The following VWA8 variants were observed in gnomAD, a reference collection of about 807,000 sequenced individuals.
VWA8 encodes von Willebrand factor A domain-containing protein 8.
Under a neutral mutation model 241.5 loss-of-function variants are expected in VWA8, and 221 were observed. The observed-to-expected ratio is 0.91, with a 90% CI of 0.82 to 1.02. VWA8 has a LOEUF of 1.02. Ranked by LOEUF, VWA8 falls within the 50% of genes least tolerant of loss-of-function variation. The pLI, the probability that VWA8 is intolerant of heterozygous loss-of-function variation, is 0.00. For missense variants in VWA8, 2,322 were observed against 2,328.7 expected (o/e 1.00, Z 0.06); for synonymous variants, 852 against 827.1 (o/e 1.03, Z -0.52).
intron 40 of VWA8, among the ~76,000 whole-genome samples, chr13:41,592,224 C>A (rs2139648358): frequency 7.4e-6 from 1 of 134,746 alleles, no homozygotes; most frequent in Non-Finnish European, 1.6e-5. Flanking sequence ...GAACAAAAAA[C>A]CAAACACCGC....
In VWA8 at chr13:41,866,228, G is replaced by A. The variant is rs1460565426; in HGVS notation, c.1213-192C>T. Among the ~76,000 whole-genome samples the A allele has an allele frequency of 2.0e-5, 3 of 151,878 alleles. No individual in the cohort carries two copies. In the East Asian group the frequency reaches 5.8e-4, roughly 29 times the overall value. ...GCTGGGCATGGTGGTGCGCAACTGT[G>A]ATCCCAACTACTCAGGGGGCTGAGG... On this transcript the variant is annotated intron_variant, in intron 10 of 44. Coordinates refer to ENST00000379310, the MANE Select transcript of VWA8 (RefSeq NM_015058.2).
At chr13:41,913,593 G>A (rs753150377) in intron 2 of VWA8, among the ~76,000 whole-genome samples, 1 of 152,170 alleles carries the variant, frequency 6.6e-6, no homozygotes, top group African/African-American at 2.4e-5. Flanking sequence ...TGTTAGGATA[G>A]TCTCTCCTGT....
At chr13:41,930,704 A>G (rs1342041820) in intron 2 of VWA8, among the ~76,000 whole-genome samples, 1 of 152,228 alleles carries the variant, frequency 6.6e-6, no homozygotes, top group Non-Finnish European at 1.5e-5. Flanking sequence ...GGCTACGTGT[A>G]TAAGATATAC....
intron 38 of VWA8, 150 bp from the exon 39 acceptor site, chr13:41,611,882 A>C: frequency 1.5e-5 from 14 of 939,630 alleles, no homozygotes; most frequent in Non-Finnish European, 2.2e-5. Context: ...AAAAAGATGT[A>C]TTCTCTTGTT....
intron 40 of VWA8, among the ~76,000 whole-genome samples, chr13:41,591,152 G>A (rs1281944127): frequency 1.3e-5 from 2 of 152,172 alleles, no homozygotes; most frequent in African/African-American, 4.8e-5. Context: ...GAGAAAATGT[G>A]ACCTTTAGAA....
rs759936519 is a variant in VWA8 at position 41,568,316 on chromosome 13, G to A, written c.5610-11C>T. 5.0e-6 allele frequency: 8 copies of A among 1,611,854 alleles called. No homozygotes were observed. The highest frequency in any genetic ancestry group is 1.7e-5 in the Admixed American group (1 of 60,006). ...AAAGTTCTCTGAAGCCTGCCAGGATGGAAAGGGAAAGGAAGTTACCACTGT... is the reference window on the plus strand; with the variant it reads ...AAAGTTCTCTGAAGCCTGCCAGGATAGAAAGGGAAAGGAAGTTACCACTGT... On this transcript the variant is annotated splice_polypyrimidine_tract_variant and intron_variant, in intron 44 of 44. Coordinates refer to ENST00000379310, the MANE Select transcript of VWA8 (RefSeq NM_015058.2).
chr13:41,657,044 A>G (rs1417438984), intron 37 of VWA8, among the ~76,000 whole-genome samples: 2 of 152,194 alleles, frequency 1.3e-5, no homozygotes, highest in African/African-American at 4.8e-5. Context: ...CCCTTTGGCC[A>G]CAGTGATGGG....
At chr13:41,614,616 T>C (rs2044609600) in intron 38 of VWA8, among the ~76,000 whole-genome samples, 2 of 152,208 alleles carry the variant, frequency 1.3e-5, no homozygotes, top group Admixed American at 6.5e-5. Context: ...ATTAACACTT[T>C]AGTGAAAATA....
At chr13:41,766,669 T>C (rs1049141279) in intron 20 of VWA8, among the ~76,000 whole-genome samples, 2 of 152,228 alleles carry the variant, frequency 1.3e-5, no homozygotes, top group African/African-American at 2.4e-5. Context: ...TGATAAAATG[T>C]TCCAACTTCT....
At chr13:41,915,514 A>G (rs1876207920) in intron 2 of VWA8, among the ~76,000 whole-genome samples, 1 of 152,254 alleles carries the variant, frequency 6.6e-6, no homozygotes, top group African/African-American at 2.4e-5. Context: ...CATCCTGCCC[A>G]GTATGTCAAT....
At chr13:41,660,138 CA>C (rs2044939474) in intron 37 of VWA8, among the ~76,000 whole-genome samples, 1 of 151,600 alleles carries the variant, frequency 6.6e-6, no homozygotes, top group African/African-American at 2.4e-5. Flanking sequence ...TTTTCTGAGA[CA>C]GAGTCTCACT....
In VWA8 at chr13:41,676,647, T is replaced by C. The variant is rs2045062141; in HGVS notation, c.4328-1351A>G. ...CTGTTTTTGTTTGTTTGTTTGTTTT[T>C]TGGAGACAGAGTCTCACTCTTGTTG... is the stretch of plus-strand genomic sequence containing the variant. On this transcript the variant is annotated intron_variant, in intron 35 of 44. Coordinates refer to ENST00000379310, the MANE Select transcript of VWA8 (RefSeq NM_015058.2). Among the ~76,000 whole-genome samples, 3 of 152,150 alleles carry C rather than the reference T, an allele frequency of 2.0e-5. No homozygotes were observed. The South Asian group carries it at 6.2e-4, about 32-fold the overall frequency.
chr13:41,574,140 A>G (rs1009771167), intron 43 of VWA8, among the ~76,000 whole-genome samples: 1 of 151,578 alleles, frequency 6.6e-6, no homozygotes, highest in East Asian at 1.9e-4. Context: ...ACATAAAAAC[A>G]AAACAAAAAT....
At chr13:41,875,690 C>T (rs1473983760) in intron 9 of VWA8, among the ~76,000 whole-genome samples, 1 of 151,948 alleles carries the variant, frequency 6.6e-6, no homozygotes, top group Non-Finnish European at 1.5e-5. Flanking sequence ...GCAGTTTCTT[C>T]TTCATCTTCT....
In VWA8 at chr13:41,598,184, C is replaced by T. The variant is rs114221514; in HGVS notation, c.4986+6984G>A. ...AAAAGCATGATTGAACTTATATTTCCCTTATGATTTTCAGGAATGAGGCTA... is the reference window on the plus strand; with the variant it reads ...AAAAGCATGATTGAACTTATATTTCTCTTATGATTTTCAGGAATGAGGCTA... On this transcript the variant is annotated intron_variant, in intron 40 of 44. Coordinates refer to ENST00000379310, the MANE Select transcript of VWA8 (RefSeq NM_015058.2). 3.5e-3 allele frequency among the ~76,000 whole-genome samples: 526 copies of T among 152,022 alleles called. 3 individuals carry two copies. Among genetic ancestry groups the T allele is most frequent in the African/African-American group, 0.012 (509 of 41,492 alleles).
chr13:41,631,257 C>G (rs1444919464), intron 37 of VWA8, among the ~76,000 whole-genome samples: 1 of 152,000 alleles, frequency 6.6e-6, no homozygotes, highest in Non-Finnish European at 1.5e-5. Flanking sequence ...TGGGCTCAAG[C>G]GATCCTCCCA....
rs773964314 is a variant in VWA8 at position 41,590,782 on chromosome 13, T to C, written c.4987-17A>G. 3.7e-6 allele frequency: 6 copies of C among 1,613,242 alleles called. No homozygotes were observed. The highest frequency in any genetic ancestry group is 3.4e-6 in the Non-Finnish European group (4 of 1,179,526). ...ACCTTTAGCCTACAAAAGACACACATACACACACAAAGCCTTAATTAGTTA... is the reference window on the plus strand; with the variant it reads ...ACCTTTAGCCTACAAAAGACACACACACACACACAAAGCCTTAATTAGTTA... On this transcript the variant is annotated splice_polypyrimidine_tract_variant and intron_variant, in intron 40 of 44. Transcript: ENST00000379310.
chr13:41,641,800 T>A (rs2044796763), intron 37 of VWA8, among the ~76,000 whole-genome samples: 1 of 143,210 alleles, frequency 7.0e-6, no homozygotes, highest in Non-Finnish European at 1.6e-5. Flanking sequence ...AAGATTTTTA[T>A]GGGAAAAAAA....
intron 12 of VWA8, among the ~76,000 whole-genome samples, chr13:41,834,866 T>A (rs1055582399): frequency 1.3e-5 from 2 of 152,044 alleles, no homozygotes; most frequent in African/African-American, 4.8e-5. Context: ...ATAAAGAAAA[T>A]GTGGTACATA....
Sources: allele counts gnomAD v4.1 joint callset (sites outside exome capture counted in the v4.1 genomes callset), GRCh38; gene constraint gnomAD v4.1.1; transcripts MANE v1.5; gene names NCBI Gene and HGNC (gene_info 2026-07-23, HGNC 2026-07-21).